The following MEIKIN variants were observed in gnomAD, a reference collection of about 807,000 sequenced individuals.
MEIKIN encodes meiosis-specific kinetochore protein.
intron 8 of MEIKIN, among the ~76,000 whole-genome samples, chr5:131,898,117 G>A (rs1390544228): frequency 3.9e-5 from 6 of 152,160 alleles, no homozygotes; most frequent in African/African-American, 9.7e-5. Context: ...TGATGTTGAT[G>A]CTATTCCTTT....
intron 8 of MEIKIN, among the ~76,000 whole-genome samples, chr5:131,887,542 G>T (rs181348209): frequency 9.9e-5 from 15 of 152,128 alleles, no homozygotes; most frequent in Non-Finnish European, 1.6e-4. Context: ...ACTGGTGTGA[G>T]ATGGTAATTC....
intron 3 of MEIKIN, among the ~76,000 whole-genome samples, chr5:131,943,828 T>C (rs1350914649): frequency 2.6e-5 from 4 of 151,738 alleles, no homozygotes; most frequent in African/African-American, 9.7e-5. Context: ...TAAAAAAAAA[T>C]AGAACTTGGC....
At chr5:131,844,561 G>A (rs1033076555) in intron 11 of MEIKIN, among the ~76,000 whole-genome samples, 5 of 152,100 alleles carry the variant, frequency 3.3e-5, no homozygotes, top group Admixed American at 6.5e-5. Flanking sequence ...TACCAGAGAG[G>A]AGAGAGCTAC....
Position 131,807,151 on chromosome 5 carries a change from A to T in MEIKIN, c.*85T>A. ...GAATTTTTAATTTTTAATTTCATAT[A>T]ATTTCAGGCAGACATTCTGCTTTAT... On this transcript the variant is annotated 3_prime_UTR_variant, in exon 13 of 13. Transcript: ENST00000442687. The T allele has an allele frequency of 2.5e-6, 1 of 398,356 alleles. No homozygotes were observed. The allele number at this position is 398,356 out of a possible 1,614,324, so 24.7% of individuals were successfully genotyped here.
At position 131,921,936 on chromosome 5, in the gene MEIKIN, C is replaced by T; in HGVS notation, c.484G>A (p.Glu162Lys). 2.5e-6 allele frequency: 1 copy of T among 398,872 alleles called. No homozygotes were observed. The allele number at this position is 398,872 out of a possible 1,614,324, so 24.7% of individuals were successfully genotyped here. A position where few individuals can be genotyped will look rare whatever the true frequency, so the allele number is the denominator to read the frequency against. Residue 162 changes from glutamate (E) to lysine (K), a missense_variant, in exon 6 of 13, where the codon GAG (glutamate) becomes AAG (lysine). By Grantham distance (56) the Glu-to-Lys change is moderately conservative. Coordinates refer to ENST00000442687, the MANE Select transcript of MEIKIN (RefSeq NM_001303622.2). ...ATGTGTTCTTCCAAGTTGGGACACTCCCAGTCTAAAACAGCAGAGAAGAAA... is the reference window on the plus strand; with the variant it reads ...ATGTGTTCTTCCAAGTTGGGACACTTCCAGTCTAAAACAGCAGAGAAGAAA... ...LFRKSDYLDWECPNLEEHMQW... is the reference protein window; with the variant it reads ...LFRKSDYLDWKCPNLEEHMQW...
chr5:131,917,484 T>C (rs1174408603), intron 6 of MEIKIN, among the ~76,000 whole-genome samples: 2 of 148,190 alleles, frequency 1.3e-5, no homozygotes, highest in African/African-American at 5.0e-5. Context: ...GAGAATTGCT[T>C]GAAGCCAGGA....
chr5:131,908,251 C>T (rs1751276752), intron 8 of MEIKIN, among the ~76,000 whole-genome samples: 1 of 152,054 alleles, frequency 6.6e-6, no homozygotes. Flanking sequence ...GTGAGATTTA[C>T]CCCAGGGACG....
intron 7 of MEIKIN, among the ~76,000 whole-genome samples, chr5:131,914,981 A>G (rs866901298): frequency 3.3e-5 from 5 of 152,316 alleles, no homozygotes; most frequent in South Asian, 2.1e-4. Flanking sequence ...TGGAAACAAC[A>G]TAACAAGAAG....
intron 5 of MEIKIN, among the ~76,000 whole-genome samples, chr5:131,931,166 C>T (rs1203221712): frequency 2.0e-5 from 3 of 152,182 alleles, no homozygotes; most frequent in Non-Finnish European, 2.9e-5. Flanking sequence ...TAGTCCAAAC[C>T]ACCGTCTTTG....
At chr5:131,926,578 T>A (rs1451818209) in intron 5 of MEIKIN, among the ~76,000 whole-genome samples, 1 of 152,172 alleles carries the variant, frequency 6.6e-6, no homozygotes, top group Non-Finnish European at 1.5e-5. Flanking sequence ...CTTCTCCTCT[T>A]TAATTTTTTA....
At chr5:131,825,375 T>A (rs1267430431) in intron 11 of MEIKIN, among the ~76,000 whole-genome samples, 1 of 152,162 alleles carries the variant, frequency 6.6e-6, no homozygotes, top group Non-Finnish European at 1.5e-5. Flanking sequence ...GCTGTTATAC[T>A]CAGGGTTACA....
At chr5:131,890,658 A>G (rs1306789277) in intron 8 of MEIKIN, among the ~76,000 whole-genome samples, 1 of 152,212 alleles carries the variant, frequency 6.6e-6, no homozygotes, top group South Asian at 2.1e-4. Context: ...TGATCTTTTC[A>G]AAAAACCAGC....
intron 8 of MEIKIN, among the ~76,000 whole-genome samples, chr5:131,883,068 T>C (rs1183448753): frequency 6.6e-6 from 1 of 152,246 alleles, no homozygotes; most frequent in Non-Finnish European, 1.5e-5. Flanking sequence ...TTTTCCACTA[T>C]GTAACATTTG....
At chr5:131,932,221 T>A (rs1468230264) in intron 5 of MEIKIN, among the ~76,000 whole-genome samples, 4 of 152,222 alleles carry the variant, frequency 2.6e-5, no homozygotes, top group Non-Finnish European at 4.4e-5. Flanking sequence ...CTCTTCCAAA[T>A]TCAGTACATT....
chr5:131,830,230 A>T (rs1749692278), intron 11 of MEIKIN, among the ~76,000 whole-genome samples: 1 of 146,878 alleles, frequency 6.8e-6, no homozygotes, highest in African/African-American at 2.5e-5. Flanking sequence ...TCTCTACAAT[A>T]AAAAAAAAAT....
At chr5:131,897,680 G>A (rs185518180) in intron 8 of MEIKIN, among the ~76,000 whole-genome samples, 69 of 151,968 alleles carry the variant, frequency 4.5e-4, no homozygotes, top group Non-Finnish European at 8.5e-4. Flanking sequence ...TGATGAAATC[G>A]GCTATTGAAG....
chr5:131,933,229 G>T (rs1439205300), intron 5 of MEIKIN, among the ~76,000 whole-genome samples: 1 of 152,168 alleles, frequency 6.6e-6, no homozygotes, highest in Non-Finnish European at 1.5e-5. Flanking sequence ...TGGTTCAAGA[G>T]AACAAGTATA....
At chr5:131,896,656 G>A (rs1561748581) in intron 8 of MEIKIN, among the ~76,000 whole-genome samples, 2 of 152,090 alleles carry the variant, frequency 1.3e-5, no homozygotes, top group South Asian at 4.2e-4. Context: ...TGTGTCTTTT[G>A]ATCTTTGTTG....
intron 7 of MEIKIN, among the ~76,000 whole-genome samples, chr5:131,916,057 G>C (rs1166315994): frequency 6.6e-6 from 1 of 152,154 alleles, no homozygotes; most frequent in African/African-American, 2.4e-5. Flanking sequence ...TTTACTTTGT[G>C]AATGTGCTAC....
Sources: allele counts gnomAD v4.1 joint callset (sites outside exome capture counted in the v4.1 genomes callset), GRCh38; gene constraint gnomAD v4.1.1; transcripts MANE v1.5; gene names NCBI Gene and HGNC (gene_info 2026-07-23, HGNC 2026-07-21).